The following STAC variants were observed in gnomAD, a reference collection of about 807,000 sequenced individuals.
STAC encodes the protein SH3 and cysteine-rich domain-containing protein.
A neutral mutation model predicts 48.8 loss-of-function variants in STAC; 43 were observed. The ratio of observed to expected loss-of-function variants is 0.88; its 90% CI spans 0.69 to 1.14. The LOEUF (loss-of-function observed/expected upper bound fraction) is 1.14. Among genes scored for constraint, STAC ranks in the 50% most tolerant of loss-of-function variants. The pLI is 0.00. For missense variants in STAC, 497 were observed against 504.0 expected (o/e 0.99, Z 0.13); for synonymous variants, 193 against 179.5 (o/e 1.07, Z -0.60).
chr3:36,475,005 G>GTGT (rs1322275423), intron 2 of STAC, among the ~76,000 whole-genome samples: 3 of 152,110 alleles, frequency 2.0e-5, no homozygotes, highest in African/African-American at 7.2e-5. Flanking sequence ...TCGTGTGTGT[G>GTGT]TGTGTGCGCG....
intron 1 of STAC, among the ~76,000 whole-genome samples, chr3:36,417,092 C>T (rs186770021): frequency 1.4e-4 from 22 of 152,236 alleles, no homozygotes; most frequent in East Asian, 9.7e-4. Context: ...AGATTCTCTG[C>T]GGCCCCACAG....
intron 2 of STAC, among the ~76,000 whole-genome samples, chr3:36,459,697 C>T (rs928416041): frequency 3.1e-4 from 47 of 152,222 alleles, no homozygotes; most frequent in African/African-American, 1.1e-3. Flanking sequence ...TTCTTTTATT[C>T]CTGATTTCCA....
At chr3:36,434,660 C>T (rs748988662) in intron 1 of STAC, among the ~76,000 whole-genome samples, 1 of 152,196 alleles carries the variant, frequency 6.6e-6, no homozygotes, top group African/African-American at 2.4e-5. Flanking sequence ...GCATCAGAAC[C>T]ACCCCTTTCC....
chr3:36,448,283 G>A (rs1032030917), intron 2 of STAC, among the ~76,000 whole-genome samples: 1 of 151,918 alleles, frequency 6.6e-6, no homozygotes, highest in Non-Finnish European at 1.5e-5. Flanking sequence ...GTGCAATGGT[G>A]CAATCTCAGC....
intron 8 of STAC, among the ~76,000 whole-genome samples, chr3:36,513,293 C>T (rs1698586636): frequency 6.6e-6 from 1 of 152,212 alleles, no homozygotes; most frequent in Non-Finnish European, 1.5e-5. Flanking sequence ...GCCCTCTCTT[C>T]CACAAACCTG....
chr3:36,423,703 ATGTG>A lies in STAC; in HGVS notation c.112-19657_112-19654del, dbSNP rs1450825061. Among the ~76,000 whole-genome samples, 9 of 152,230 alleles carry A rather than the reference ATGTG, an allele frequency of 5.9e-5. No individual in the cohort carries two copies. In the East Asian group the frequency reaches 1.7e-3, roughly 29 times the overall value. The stretch of plus-strand genomic sequence containing the variant: ...TTTTTTGTACTGTATTTTGTTTACC[ATGTG>A]TGTATCATTATTAATATTATAGGAT... On this transcript the variant is annotated intron_variant, in intron 1 of 10. Coordinates refer to ENST00000273183, the MANE Select transcript of STAC (RefSeq NM_003149.3).
intron 6 of STAC, among the ~76,000 whole-genome samples, chr3:36,494,586 C>T (rs1350241769): frequency 6.6e-6 from 1 of 152,194 alleles, no homozygotes; most frequent in Non-Finnish European, 1.5e-5. Flanking sequence ...CCACAAGGCA[C>T]CATGTGCTCA....
intron 6 of STAC, among the ~76,000 whole-genome samples, chr3:36,495,992 C>A (rs1698144220): frequency 1.3e-5 from 2 of 152,312 alleles, no homozygotes; most frequent in Admixed American, 1.3e-4. Flanking sequence ...ATTCCCTCCC[C>A]TTCAATACAC....
Position 36,485,401 on chromosome 3 carries a change from C to T in STAC, c.571+343C>T, listed in dbSNP as rs1298965859. ...CAGCTCCCTATTGACAACTGTGTGT[C>T]TTTGAACAAGTTACTTGACCTGTCA... On this transcript the variant is annotated intron_variant, in intron 4 of 10. Transcript: ENST00000273183. Among the ~76,000 whole-genome samples, 3 of 152,200 alleles carry T rather than the reference C, an allele frequency of 2.0e-5. No homozygotes were observed. The East Asian group carries it at 5.8e-4, about 29-fold the overall frequency.
chr3:36,419,784 G>A (rs1032910133), intron 1 of STAC, among the ~76,000 whole-genome samples: 4 of 152,282 alleles, frequency 2.6e-5, no homozygotes, highest in African/African-American at 9.6e-5. Context: ...CTCATCCTGT[G>A]CTTTGGAAAA....
intron 6 of STAC, among the ~76,000 whole-genome samples, chr3:36,502,523 C>A (rs1356356514): frequency 6.6e-6 from 1 of 152,066 alleles, no homozygotes; most frequent in Non-Finnish European, 1.5e-5. Flanking sequence ...AGATTCAATA[C>A]AAAAATTAAA....
At chr3:36,486,526 C>T (rs2125702200) in intron 5 of STAC, among the ~76,000 whole-genome samples, 1 of 152,312 alleles carries the variant, frequency 6.6e-6, no homozygotes, top group Admixed American at 6.5e-5. Flanking sequence ...CTTTACCCTC[C>T]CACCAACATT....
chr3:36,536,837 CAAGAAAACAAAAAACAAAAAAAAAAA>C (rs1559529805), intron 10 of STAC, among the ~76,000 whole-genome samples: 2 of 149,452 alleles, frequency 1.3e-5, no homozygotes, highest in African/African-American at 4.9e-5. Flanking sequence ...ACAAAAAAAA[CAAGAAAACAAAAAACAAAAAAAAAAA>C]AACCCCAATA....
intron 6 of STAC, among the ~76,000 whole-genome samples, chr3:36,502,251 T>G (rs1381346396): frequency 1.3e-5 from 2 of 152,154 alleles, no homozygotes; most frequent in Non-Finnish European, 2.9e-5. Flanking sequence ...ATGGGTGAAA[T>G]AAACGACCAA....
intron 1 of STAC, among the ~76,000 whole-genome samples, chr3:36,401,795 C>T (rs2125627495): frequency 6.6e-6 from 1 of 152,324 alleles, no homozygotes; most frequent in South Asian, 2.1e-4. Context: ...TGGGGTCCAT[C>T]TAAGTGCTGG....
intron 6 of STAC, among the ~76,000 whole-genome samples, chr3:36,498,227 A>C (rs116781452): frequency 0.013 from 2,053 of 152,348 alleles, 27 homozygotes; most frequent in Admixed American, 0.024. Context: ...GTAAACAGGC[A>C]AGCTTGAGGA....
chr3:36,486,853 T>C (rs1697829600), intron 5 of STAC, among the ~76,000 whole-genome samples: 1 of 152,198 alleles, frequency 6.6e-6, no homozygotes, highest in Admixed American at 6.5e-5. Context: ...TCTCTGGTTG[T>C]TTCAATCAGA....
chr3:36,397,738 C>G (rs1323807148), intron 1 of STAC, among the ~76,000 whole-genome samples: 2 of 152,100 alleles, frequency 1.3e-5, no homozygotes. Context: ...AACTTCAATC[C>G]ACTTTGGATC....
intron 8 of STAC, among the ~76,000 whole-genome samples, chr3:36,508,510 T>G (rs1231717221): frequency 3.3e-5 from 5 of 152,094 alleles, no homozygotes; most frequent in Non-Finnish European, 7.4e-5. Flanking sequence ...GTCTAATATT[T>G]ACAGTGGTGT....
Sources: allele counts gnomAD v4.1 joint callset (sites outside exome capture counted in the v4.1 genomes callset), GRCh38; gene constraint gnomAD v4.1.1; transcripts MANE v1.5; gene names NCBI Gene and HGNC (gene_info 2026-07-23, HGNC 2026-07-21).